Variants in IFNGR2 observed in about 807,000 individuals in gnomAD.
IFNGR2 encodes interferon gamma receptor 2.
Under a neutral mutation model 41.1 loss-of-function variants are expected in IFNGR2, and 15 were observed. That is an observed-to-expected ratio of 0.37 (90% CI 0.24 to 0.56). The LOEUF is 0.56. IFNGR2 is among the 20% of genes least tolerant of loss of function. The pLI, the probability that IFNGR2 is intolerant of heterozygous loss-of-function variation, is 0.81. For missense variants in IFNGR2, 362 were observed against 415.7 expected, an observed-to-expected ratio of 0.87 and a Z score of 1.12; for synonymous variants, 161 against 171.6, an observed-to-expected ratio of 0.94 and a Z score of 0.48.
intron 2 of IFNGR2, 149 bp from the exon 3 acceptor site, chr21:33,421,331 C>CAA (rs569309072): frequency 0.065 from 29,410 of 449,956 alleles, 173 homozygotes; most frequent in Middle Eastern, 0.071. Context: ...AACTCCATCT[C>CAA]AAAAAAAAAA....
intron 3 of IFNGR2, among the ~76,000 whole-genome samples, chr21:33,422,397 A>C (rs2083800355): frequency 4.6e-5 from 7 of 152,218 alleles, no homozygotes; most frequent in Admixed American, 4.6e-4. Flanking sequence ...AGACAAACTA[A>C]TGTATAAGAC....
chr21:33,423,035 A>ATTTTTTTTTTTTTTTTTTTTTTTT (rs1402537450), intron 3 of IFNGR2, among the ~76,000 whole-genome samples: 1 of 118,146 alleles, frequency 8.5e-6, no homozygotes. Flanking sequence ...TCTTCCCTCT[A>ATTTTTTTTTTTTTTTTTTTTTTTT]CTTTTTTTTT....
intron 2 of IFNGR2, among the ~76,000 whole-genome samples, chr21:33,420,681 T>C (rs920095562): frequency 1.3e-5 from 2 of 152,182 alleles, no homozygotes; most frequent in Non-Finnish European, 2.9e-5. Flanking sequence ...AAATCATCTA[T>C]CTGACAAGGG....
chr21:33,436,705 G>A (rs2083955657), intron 6 of IFNGR2, 123 bp from the exon 7 acceptor site: 8 of 745,754 alleles, frequency 1.1e-5, no homozygotes, highest in Middle Eastern at 3.9e-4. Context: ...CTAGGCAAGA[G>A]TAAGACTCCA....
intron 2 of IFNGR2, among the ~76,000 whole-genome samples, chr21:33,420,320 T>C (rs1013226493): frequency 1.3e-5 from 2 of 152,196 alleles, no homozygotes; most frequent in African/African-American, 4.8e-5. Context: ...TACTGTCCGC[T>C]GCCCCTACTC....
chr21:33,403,718 C>T (rs2123322850), intron 1 of IFNGR2, 102 bp downstream of exon 1: 3 of 767,258 alleles, frequency 3.9e-6, no homozygotes, highest in South Asian at 8.2e-5. Flanking sequence ...CTGCCGGGTG[C>T]TCAGAGTGGG....
intron 3 of IFNGR2, 141 bp from the exon 4 acceptor site, chr21:33,426,743 T>G: frequency 2.1e-6 from 1 of 469,590 alleles, no homozygotes. Flanking sequence ...AATAAAGAGA[T>G]AGATAAAAAC....
rs1481842152 is a variant in IFNGR2 at position 33,435,500 on chromosome 21, G to C, written c.880-1328G>C. Among the ~76,000 whole-genome samples, 5 of 152,252 alleles carry C rather than the reference G, an allele frequency of 3.3e-5. No individual in the cohort carries two copies. In the East Asian group the frequency reaches 7.7e-4, roughly 23 times the overall value. On this transcript the variant is annotated intron_variant, in intron 6 of 6. Coordinates refer to ENST00000290219, the MANE Select transcript of IFNGR2 (RefSeq NM_005534.4). ...ACAAAACTTGCTTTTCCTGAGTTTT[G>C]CCCTTTTAAACTCTCAGCATATTAA...
At chr21:33,432,419 C>A in intron 5 of IFNGR2, 83 bp downstream of exon 5, 1 of 1,352,644 alleles carries the variant, frequency 7.4e-7, no homozygotes, top group South Asian at 1.2e-5. Flanking sequence ...CTTATGAGGT[C>A]ATGGGTGGTG....
intron 3 of IFNGR2, among the ~76,000 whole-genome samples, chr21:33,422,200 T>C (rs2083799216): frequency 6.6e-6 from 1 of 152,214 alleles, no homozygotes; most frequent in Non-Finnish European, 1.5e-5. Context: ...TCAGTAAATA[T>C]TTGTTGAATG....
chr21:33,425,936 G>A (rs2083832309), intron 3 of IFNGR2, among the ~76,000 whole-genome samples: 2 of 152,172 alleles, frequency 1.3e-5, no homozygotes, highest in African/African-American at 2.4e-5. Flanking sequence ...TTAGAACTTC[G>A]AGGACCCAAA....
At position 33,432,923 on chromosome 21, in the gene IFNGR2, T is replaced by C. The variant is rs751776635; in HGVS notation, c.879+52T>C. 1.6e-5 allele frequency: 24 copies of C among 1,477,146 alleles called. No individual in the cohort carries two copies. In the Admixed American group the frequency reaches 2.5e-4, roughly 16 times the overall value. The allele number at this position is 1,477,146 out of a possible 1,614,324, so 91.5% of individuals were successfully genotyped here. A position where few individuals can be genotyped will look rare whatever the true frequency, so the allele number is the denominator to read the frequency against. On this transcript the variant is annotated intron_variant, in intron 6 of 6. Coordinates refer to ENST00000290219, the MANE Select transcript of IFNGR2 (RefSeq NM_005534.4). Reference sequence around the variant, plus strand: ...TTTTTTGAGACAGGGTCTTGCTCTGTTGCCCAGGCGGGAGTGTCATGGTAC... The same window carrying C: ...TTTTTTGAGACAGGGTCTTGCTCTGCTGCCCAGGCGGGAGTGTCATGGTAC...
chr21:33,436,407 G>A (rs2083951592), intron 6 of IFNGR2, among the ~76,000 whole-genome samples: 1 of 151,814 alleles, frequency 6.6e-6, no homozygotes, highest in Admixed American at 6.6e-5. Context: ...ACTTATATCT[G>A]AATAAAATAA....
intron 1 of IFNGR2, among the ~76,000 whole-genome samples, chr21:33,405,367 G>A (rs2083670565): frequency 6.6e-6 from 1 of 152,304 alleles, no homozygotes; most frequent in Non-Finnish European, 1.5e-5. Flanking sequence ...TGCACTTGAG[G>A]AAATTATTAA....
intron 3 of IFNGR2, 107 bp from the exon 4 acceptor site, chr21:33,426,777 C>CTATATATA (rs146481328): frequency 5.6e-6 from 3 of 538,890 alleles, no homozygotes; most frequent in African/African-American, 4.2e-5. Context: ...TCTACACCCA[C>CTATATATA]TATATATATA....
At position 33,432,184 on chromosome 21, in the gene IFNGR2, G is replaced by A; in HGVS notation, c.569G>A (p.Gly190Asp). 6 of 1,614,022 alleles carry A rather than the reference G, an allele frequency of 3.7e-6. No homozygotes were observed. Among genetic ancestry groups the A allele is most frequent in the Non-Finnish European group, 5.1e-6 (6 of 1,179,900 alleles). ...WEKGGIQQVK[G>D]PFRSNSISLD... ...GTGATGTTTTTAAAACAGGTCAAAG[G>A]CCCTTTCAGAAGCAACTCCATTTCA... The change falls in exon 5 of 7, where the codon GGC becomes GAC. Residue 190 changes from glycine to aspartate, a missense_variant. Physicochemically the swap from Gly to Asp is moderately conservative, Grantham distance 94. Coordinates refer to ENST00000290219, the MANE Select transcript of IFNGR2 (RefSeq NM_005534.4).
At chr21:33,427,506 A>G (rs1378774798) in intron 4 of IFNGR2, among the ~76,000 whole-genome samples, 8 of 152,212 alleles carry the variant, frequency 5.3e-5, no homozygotes, top group Admixed American at 1.3e-4. Flanking sequence ...AGCAGGTATG[A>G]GAAGGCGTGG....
At chr21:33,429,535 C>T (rs755975107) in intron 4 of IFNGR2, among the ~76,000 whole-genome samples, 3 of 152,108 alleles carry the variant, frequency 2.0e-5, no homozygotes, top group Non-Finnish European at 4.4e-5. Context: ...GAGGAAAGTC[C>T]GCAGGTGTCC....
chr21:33,427,446 C>T (rs773418890), intron 4 of IFNGR2, among the ~76,000 whole-genome samples: 2 of 152,074 alleles, frequency 1.3e-5, no homozygotes, highest in African/African-American at 2.4e-5. Flanking sequence ...AGGGCACATG[C>T]GAAATCGGGG....
Sources: gnomAD v4.1 joint callset for allele counts (sites outside exome capture counted in the v4.1 genomes callset) on GRCh38, gnomAD v4.1.1 for gene constraint, MANE v1.5 for transcripts, NCBI Gene and HGNC (gene_info 2026-07-23, HGNC 2026-07-21) for gene names.